AGO3: variants seen among roughly 807,000 people sequenced by gnomAD.
AGO3 encodes the protein protein argonaute-3.
A neutral mutation model predicts 105.5 loss-of-function variants in AGO3; 16 were observed. The ratio of observed to expected loss-of-function variants is 0.15; its 90% CI spans 0.10 to 0.23. The LOEUF (loss-of-function observed/expected upper bound fraction) is 0.23. Among genes scored for constraint, AGO3 ranks in the 10% least tolerant of loss-of-function variants. AGO3 has a pLI of 1.00. For synonymous variants in AGO3, 340 were observed against 367.3 expected (o/e 0.93, Z 0.85); for missense variants, 534 against 1,088.0 (o/e 0.49, Z 7.16).
At position 36,038,096 on chromosome 1, in the gene AGO3, A is replaced by T. The variant is rs192228177; in HGVS notation, c.1843-1694A>T. Among the ~76,000 whole-genome samples the T allele has an allele frequency of 1.7e-4, 26 of 152,296 alleles. No individual in the cohort carries two copies. In the East Asian group the frequency reaches 4.8e-3, roughly 28 times the overall value. The stretch of plus-strand genomic sequence containing the variant: ...AGTGCCACATAGTATAATAGGTGTT[A>T]TCATGATAACGAAGTAACAACATTT... On this transcript the variant is annotated intron_variant, in intron 14 of 18. Transcript: ENST00000373191.
intron 5 of AGO3, among the ~76,000 whole-genome samples, chr1:35,999,492 A>C (rs1470482629): frequency 6.6e-6 from 1 of 152,236 alleles, no homozygotes; most frequent in African/African-American, 2.4e-5. Context: ...GATAATTTAC[A>C]TGAATAGGGT....
intron 5 of AGO3, among the ~76,000 whole-genome samples, chr1:35,977,913 A>G (rs531504580): frequency 3.3e-5 from 5 of 152,316 alleles, no homozygotes; most frequent in Non-Finnish European, 7.4e-5. Flanking sequence ...TTATTTTAGA[A>G]AACAAAATGT....
At chr1:35,941,098 T>C (rs2148744839) in intron 1 of AGO3, among the ~76,000 whole-genome samples, 1 of 152,222 alleles carries the variant, frequency 6.6e-6, no homozygotes, top group South Asian at 2.1e-4. Context: ...CCTCTTGATT[T>C]CCCCTCCAAA....
chr1:36,028,819 A>G (rs999554716), intron 12 of AGO3, among the ~76,000 whole-genome samples: 2 of 152,104 alleles, frequency 1.3e-5, no homozygotes, highest in Admixed American at 1.3e-4. Context: ...AGGAGTCGCC[A>G]CACTGACTTC....
chr1:36,021,611 C>A (rs1641228952), intron 11 of AGO3, among the ~76,000 whole-genome samples: 1 of 151,940 alleles, frequency 6.6e-6, no homozygotes, highest in Non-Finnish European at 1.5e-5. Flanking sequence ...CTGTAACATC[C>A]CAAAGTTAAT....
intron 1 of AGO3, among the ~76,000 whole-genome samples, chr1:35,944,390 G>A (rs1646318577): frequency 6.6e-6 from 1 of 151,836 alleles, no homozygotes; most frequent in Non-Finnish European, 1.5e-5. Flanking sequence ...ATTTCTCTAG[G>A]AATTTGTCTG....
At chr1:36,000,585 A>G (rs1640037957) in intron 5 of AGO3, among the ~76,000 whole-genome samples, 1 of 152,178 alleles carries the variant, frequency 6.6e-6, no homozygotes, top group African/African-American at 2.4e-5. Flanking sequence ...GGATTAAAAG[A>G]AAGGCAAAAT....
intron 1 of AGO3, among the ~76,000 whole-genome samples, chr1:35,943,319 T>G (rs1189194938): frequency 5.1e-4 from 77 of 150,328 alleles, no homozygotes; most frequent in Admixed American, 1.3e-3. Flanking sequence ...TTTTTTTTTT[T>G]GGGACAGAAT....
chr1:35,948,290 T>C (rs1472820375), intron 2 of AGO3, among the ~76,000 whole-genome samples: 1 of 150,932 alleles, frequency 6.6e-6, no homozygotes, highest in Non-Finnish European at 1.5e-5. Context: ...CGATTTCCGC[T>C]CACTGCAACC....
At chr1:35,994,118 A>G (rs1361867917) in intron 5 of AGO3, among the ~76,000 whole-genome samples, 2 of 131,830 alleles carry the variant, frequency 1.5e-5, no homozygotes, top group African/African-American at 6.0e-5. Flanking sequence ...TAGTGTGATC[A>G]TGGCTCACTG....
intron 11 of AGO3, among the ~76,000 whole-genome samples, chr1:36,018,165 G>A (rs1338128420): frequency 4.0e-5 from 6 of 151,772 alleles, no homozygotes; most frequent in Admixed American, 6.6e-5. Flanking sequence ...AGTAGAGCGG[G>A]GTTTCACCAC....
chr1:35,972,856 AT>A (rs1165696072), intron 4 of AGO3, among the ~76,000 whole-genome samples: 388 of 122,876 alleles, frequency 3.2e-3, no homozygotes, highest in Middle Eastern at 8.2e-3. Flanking sequence ...TTAAAAAAAA[AT>A]TTTTTTTTTT....
chr1:36,023,279 A>G (rs572982822), intron 11 of AGO3, among the ~76,000 whole-genome samples: 37 of 152,358 alleles, frequency 2.4e-4, no homozygotes, highest in African/African-American at 8.4e-4. Context: ...AGGAATGGAC[A>G]CAGAGAGTCT....
intron 12 of AGO3, among the ~76,000 whole-genome samples, chr1:36,033,575 G>A (rs1641878157): frequency 6.6e-6 from 1 of 151,344 alleles, no homozygotes; most frequent in Non-Finnish European, 1.5e-5. Flanking sequence ...AGCTCAGGAG[G>A]TCGAGACTAC....
intron 16 of AGO3, 86 bp downstream of exon 16, chr1:36,040,527 C>T: frequency 6.9e-7 from 1 of 1,448,510 alleles, no homozygotes. Context: ...CCTCTGCCAA[C>T]AGCAGGATTT....
rs146855951 is a variant in AGO3 at position 36,002,446 on chromosome 1, C to T, written c.659-1895C>T. Among the ~76,000 whole-genome samples, 9 of 148,632 alleles carry T rather than the reference C, an allele frequency of 6.1e-5. No individual in the cohort carries two copies. The East Asian group carries it at 1.8e-3, about 30-fold the overall frequency. ...CCAGGTTCAAGCGATTCTCATGCCT[C>T]AGCCTCCTGAGTAGCTGGGATTACA... On this transcript the variant is annotated intron_variant, in intron 5 of 18. Transcript: ENST00000373191.
chr1:36,039,608 A>C (rs550049683), intron 14 of AGO3, among the ~76,000 whole-genome samples, 182 bp from the exon 15 acceptor site: 1 of 151,788 alleles, frequency 6.6e-6, no homozygotes, highest in African/African-American at 2.4e-5. Context: ...CAGCTTCCTG[A>C]GTAGCTGGGA....
intron 1 of AGO3, among the ~76,000 whole-genome samples, chr1:35,935,039 A>G (rs530494127): frequency 6.6e-6 from 1 of 152,342 alleles, no homozygotes; most frequent in Admixed American, 6.5e-5. Flanking sequence ...GAATTTTGAA[A>G]GTGATAAAGG....
At chr1:35,966,499 T>C (rs1255067785) in intron 2 of AGO3, among the ~76,000 whole-genome samples, 2 of 152,178 alleles carry the variant, frequency 1.3e-5, no homozygotes, top group Non-Finnish European at 1.5e-5. Flanking sequence ...ACAGGTATGT[T>C]TGCTGCTCTC....
Sources: allele counts gnomAD v4.1 joint callset (sites outside exome capture counted in the v4.1 genomes callset), GRCh38; gene constraint gnomAD v4.1.1; transcripts MANE v1.5; gene names NCBI Gene and HGNC (gene_info 2026-07-23, HGNC 2026-07-21).